Variants in PRKG1 observed in about 807,000 individuals in gnomAD.
The protein encoded by PRKG1 is cGMP-dependent protein kinase 1.
Under a neutral mutation model 88.1 loss-of-function variants are expected in PRKG1, and 35 were observed. The ratio of observed to expected loss-of-function variants is 0.40; its 90% CI spans 0.30 to 0.53. The LOEUF (loss-of-function observed/expected upper bound fraction) is 0.53, where lower values mean the gene tolerates loss of function less well. PRKG1 is among the 20% of genes least tolerant of loss of function. The probability of loss-of-function intolerance (pLI) is 0.59; values close to 1 mark genes in which losing one functional copy is unlikely to be tolerated. For missense variants in PRKG1, 540 were observed against 839.8 expected (o/e 0.64, Z 4.41); for synonymous variants, 303 against 292.5 (o/e 1.04, Z -0.37).
chr10:51,571,779 T>A (rs868455219), intron 3 of PRKG1, among the ~76,000 whole-genome samples: 3 of 151,936 alleles, frequency 2.0e-5, no homozygotes, highest in African/African-American at 4.8e-5. Context: ...TACTTTCTGT[T>A]TGGCAGATTT....
intron 9 of PRKG1, among the ~76,000 whole-genome samples, chr10:52,163,086 G>T (rs187684860): frequency 2.0e-5 from 3 of 151,804 alleles, no homozygotes; most frequent in South Asian, 2.1e-4. Flanking sequence ...GGGAAAGGGG[G>T]TCATTTAAGG....
chr10:52,018,379 T>C (rs1056958576), intron 5 of PRKG1, among the ~76,000 whole-genome samples: 11 of 152,212 alleles, frequency 7.2e-5, no homozygotes, highest in Non-Finnish European at 1.5e-4. Context: ...TTTAGTTTGT[T>C]GAATAGGTTT....
At chr10:51,640,133 T>G (rs1839760642) in intron 3 of PRKG1, among the ~76,000 whole-genome samples, 1 of 152,222 alleles carries the variant, frequency 6.6e-6, no homozygotes, top group Non-Finnish European at 1.5e-5. Context: ...CATCACCATT[T>G]CTACCATAAC....
intron 3 of PRKG1, among the ~76,000 whole-genome samples, chr10:51,574,549 T>C (rs75797479): frequency 9.8e-4 from 149 of 152,134 alleles, no homozygotes; most frequent in African/African-American, 3.4e-3. Flanking sequence ...TGTTAATATA[T>C]TGAGGCTTTA....
At chr10:51,429,270 G>A (rs887779481) in intron 2 of PRKG1, among the ~76,000 whole-genome samples, 1 of 152,182 alleles carries the variant, frequency 6.6e-6, no homozygotes, top group Non-Finnish European at 1.5e-5. Context: ...AAACTGAGCA[G>A]AGACATAAAC....
intron 3 of PRKG1, among the ~76,000 whole-genome samples, chr10:51,645,906 T>C (rs1479905683): frequency 6.6e-6 from 1 of 152,176 alleles, no homozygotes; most frequent in Non-Finnish European, 1.5e-5. Flanking sequence ...GTTATTCAGT[T>C]TATTTAGAAA....
intron 3 of PRKG1, among the ~76,000 whole-genome samples, chr10:51,543,636 C>T (rs971801020): frequency 2.0e-5 from 3 of 152,260 alleles, no homozygotes; most frequent in Admixed American, 6.5e-5. Flanking sequence ...TAATTCAAAC[C>T]TTTACCATTT....
intron 2 of PRKG1, among the ~76,000 whole-genome samples, chr10:51,427,925 G>C (rs1214407223): frequency 6.6e-6 from 1 of 152,170 alleles, no homozygotes; most frequent in Non-Finnish European, 1.5e-5. Context: ...AAATAGTAAA[G>C]ATGCCATGAG....
intron 2 of PRKG1, among the ~76,000 whole-genome samples, chr10:51,360,962 A>G (rs1246444300): frequency 6.6e-6 from 1 of 151,926 alleles, no homozygotes; most frequent in Non-Finnish European, 1.5e-5. Context: ...AGAGCAGATT[A>G]TGGCTCATTT....
intron 2 of PRKG1, among the ~76,000 whole-genome samples, chr10:51,387,877 T>C (rs1329273772): frequency 6.6e-6 from 1 of 152,186 alleles, no homozygotes; most frequent in African/African-American, 2.4e-5. Context: ...TACTGATATA[T>C]TTTATTATTA....
At chr10:51,822,713 T>C (rs192004828) in intron 4 of PRKG1, among the ~76,000 whole-genome samples, 181 of 152,296 alleles carry the variant, frequency 1.2e-3, no homozygotes, top group African/African-American at 4.2e-3. Flanking sequence ...AGAAAAGGCT[T>C]AGGGGGCTAA....
chr10:51,858,552 C>T (rs774075550), intron 4 of PRKG1, among the ~76,000 whole-genome samples: 6 of 142,966 alleles, frequency 4.2e-5, no homozygotes, highest in Non-Finnish European at 9.0e-5. Context: ...GAACATATTG[C>T]AGATTCTAAA....
intron 3 of PRKG1, among the ~76,000 whole-genome samples, chr10:51,566,105 G>A (rs923981120): frequency 6.6e-6 from 1 of 152,040 alleles, no homozygotes; most frequent in African/African-American, 2.4e-5. Flanking sequence ...CAGAAACAAG[G>A]CTTAAGTGCC....
At chr10:51,157,480 CTT>C (rs1040905806) in intron 2 of PRKG1, among the ~76,000 whole-genome samples, 50 of 151,930 alleles carry the variant, frequency 3.3e-4, no homozygotes, top group African/African-American at 1.2e-3. Flanking sequence ...TGTTAATACT[CTT>C]ATATTCTTGT....
chr10:51,943,406 C>A (rs1477297557), intron 5 of PRKG1, among the ~76,000 whole-genome samples: 1 of 151,978 alleles, frequency 6.6e-6, no homozygotes, highest in East Asian at 1.9e-4. Context: ...CAAACAGGGA[C>A]AATTTGACTT....
At chr10:52,017,142 G>A (rs141651401) in intron 5 of PRKG1, among the ~76,000 whole-genome samples, 101 of 152,268 alleles carry the variant, frequency 6.6e-4, no homozygotes, top group African/African-American at 2.0e-3. Context: ...AAAAACAAAA[G>A]AGAGATACAA....
chr10:51,656,845 A>G (rs12253368), intron 3 of PRKG1, among the ~76,000 whole-genome samples: 2,105 of 152,222 alleles, frequency 0.014, 41 homozygotes, highest in African/African-American at 0.046. Flanking sequence ...CACACATCCT[A>G]CATGCTAGTG....
At chr10:51,670,302 G>A (rs1036918899) in intron 3 of PRKG1, among the ~76,000 whole-genome samples, 49 of 151,728 alleles carry the variant, frequency 3.2e-4, no homozygotes, top group Admixed American at 6.6e-4. Context: ...TGAAGTATAC[G>A]TACAGCATTA....
chr10:52,054,565 A>G lies in PRKG1; in HGVS notation c.840+4A>G. The G allele has an allele frequency of 6.2e-7, 1 of 1,613,196 alleles. No individual in the cohort carries two copies. The highest frequency in any genetic ancestry group is 2.2e-5 in the East Asian group (1 of 44,866). ...CTTTATCATCAGCAAAGGAACGGTA[A>G]GCTTTGGTGGCACAAGACAGTGATG... On this transcript the variant is annotated splice_donor_region_variant and intron_variant, in intron 6 of 17. Coordinates refer to ENST00000373980, the MANE Select transcript of PRKG1 (RefSeq NM_006258.4).
Sources: gnomAD v4.1 joint callset for allele counts (sites outside exome capture counted in the v4.1 genomes callset) on GRCh38, gnomAD v4.1.1 for gene constraint, MANE v1.5 for transcripts, NCBI Gene and HGNC (gene_info 2026-07-23, HGNC 2026-07-21) for gene names.